The following DMXL2 variants were observed in gnomAD, a reference collection of about 807,000 sequenced individuals.
DMXL2 encodes dmX-like protein 2.
DMXL2 carries 103 observed loss-of-function variants against 331.1 expected under a neutral mutation model. The ratio of observed to expected loss-of-function variants is 0.31; its 90% confidence interval spans 0.27 to 0.37. The LOEUF is 0.37. DMXL2 is among the 10% of genes least tolerant of loss of function. The pLI is 1.00. For missense variants in DMXL2, 3,171 were observed against 3,642.9 expected, an observed-to-expected ratio of 0.87 and a Z score of 3.33; for synonymous variants, 1,281 against 1,252.1, an observed-to-expected ratio of 1.02 and a Z score of -0.49.
chr15:51,449,381 TC>T (rs2038937674), intron 43 of DMXL2, among the ~76,000 whole-genome samples, 188 bp from the exon 44 acceptor site: 1 of 152,174 alleles, frequency 6.6e-6, no homozygotes, highest in Non-Finnish European at 1.5e-5. Context: ...CTGTCCTCCT[TC>T]CATATTTTCC....
rs762496548 is a variant in DMXL2 at position 51,612,320 on chromosome 15, C to G, written c.87+10139G>C. On this transcript the variant is annotated intron_variant, in intron 1 of 43. Transcript: ENST00000560891. ...GAAGAATGGCTATAGTTCAATTATT[C>G]CATAATCAAATCGTCACATTAGTAC... 2.6e-5 allele frequency among the ~76,000 whole-genome samples: 4 copies of G among 152,260 alleles called. 1 individual carries two copies. The East Asian group carries it at 7.7e-4, about 29-fold the overall frequency.
chr15:51,474,384 T>G lies in DMXL2; in HGVS notation c.7173A>C (p.Lys2391Asn), dbSNP rs1304317451. 1 of 1,613,556 alleles carries G rather than the reference T, an allele frequency of 6.2e-7. No individual in the cohort carries two copies. The highest frequency in any genetic ancestry group is 1.1e-5 in the South Asian group (1 of 91,038). Reference protein sequence around the residue: ...MWAAVFGGGVKLVVKPRRQSE... With the variant: ...MWAAVFGGGVNLVVKPRRQSE... ...ATTGTCTTCGAGGTTTCACAACAAG[T>G]TTTACACCGCCTCCAAAAACAGCAG... Residue 2391 changes from lysine (K) to asparagine (N), a missense_variant, in exon 28 of 44, where the codon AAA becomes AAC. Transcript: ENST00000560891.
At chr15:51,517,789 G>C (rs2047119181) in intron 13 of DMXL2, among the ~76,000 whole-genome samples, 1 of 152,190 alleles carries the variant, frequency 6.6e-6, no homozygotes, top group African/African-American at 2.4e-5. Context: ...GCCAATAAGA[G>C]GGGTTAGAGG....
intron 14 of DMXL2, among the ~76,000 whole-genome samples, chr15:51,515,753 G>T (rs559213434): frequency 8.4e-4 from 128 of 152,186 alleles, no homozygotes; most frequent in Non-Finnish European, 1.6e-3. Flanking sequence ...AAACTGCTTT[G>T]TGAGAGCAGA....
rs141326808 is a variant in DMXL2, at chr15:51,477,285, G to A, written c.6834-566C>T. 4.9e-3 allele frequency among the ~76,000 whole-genome samples: 750 copies of A among 152,042 alleles called. 6 individuals carry two copies. The highest frequency in any genetic ancestry group is 7.3e-3 in the Non-Finnish European group (493 of 67,884). ...GTGAAGTTGGGGAAAATATAAAAGC[G>A]GAAAGTCAAGCTGAGTCTAGTAAAT... On this transcript the variant is annotated intron_variant, in intron 26 of 43. Transcript: ENST00000560891.
In DMXL2 at chr15:51,456,176, C is replaced by T; in HGVS notation, c.8416G>A (p.Asp2806Asn). ...CATTCAAACATTCGTACACTGCCGT[C>T]CTGAGCACCTGTAAGATCTGAAACA... ...VHQYYLTGAQ[D>N]GSVRMFEWTR... Residue 2806 changes from aspartate to asparagine, a missense_variant, in exon 39 of 44, where the codon GAC becomes AAC. Physicochemically the swap from Asp to Asn is conservative, Grantham distance 23. Transcript: ENST00000560891. 1 of 1,613,702 alleles carries T rather than the reference C, an allele frequency of 6.2e-7. No homozygotes were observed. Among genetic ancestry groups the T allele is most frequent in the African/African-American group, 1.3e-5 (1 of 74,966 alleles).
intron 27 of DMXL2, 27 bp from the exon 28 acceptor site, chr15:51,474,619 C>T (rs201558949): frequency 8.4e-6 from 13 of 1,549,400 alleles, no homozygotes; most frequent in African/African-American, 8.2e-5. Context: ...AATCATAAGA[C>T]GTATGTCAGG....
At chr15:51,489,213 T>C (rs929237103) in intron 20 of DMXL2, among the ~76,000 whole-genome samples, 5 of 152,200 alleles carry the variant, frequency 3.3e-5, no homozygotes, top group Non-Finnish European at 7.4e-5. Context: ...TGCTGAGATA[T>C]AGCCTCTGCA....
chr15:51,531,977 A>G (rs2048026776), intron 13 of DMXL2, among the ~76,000 whole-genome samples: 1 of 152,186 alleles, frequency 6.6e-6, no homozygotes, highest in Admixed American at 6.5e-5. Flanking sequence ...TTGCTCACAA[A>G]GCTAAAATAG....
chr15:51,579,606 G>A (rs1204767888), intron 1 of DMXL2, among the ~76,000 whole-genome samples: 3 of 152,128 alleles, frequency 2.0e-5, no homozygotes, highest in African/African-American at 7.2e-5. Flanking sequence ...AATTATTAAA[G>A]TCTTCCTAAC....
At chr15:51,600,700 G>C (rs1567172653) in intron 1 of DMXL2, among the ~76,000 whole-genome samples, 1 of 152,174 alleles carries the variant, frequency 6.6e-6, no homozygotes, top group Non-Finnish European at 1.5e-5. Flanking sequence ...CCTAGAGCGT[G>C]GCTGTCTTGG....
At chr15:51,525,057 C>T (rs1467304264) in intron 13 of DMXL2, among the ~76,000 whole-genome samples, 1 of 151,816 alleles carries the variant, frequency 6.6e-6, no homozygotes, top group Non-Finnish European at 1.5e-5. Context: ...GATACCAGCT[C>T]AGCTACAGCA....
rs745378406 is a variant in DMXL2 at position 51,488,597 on chromosome 15, G to C, written c.5002C>G (p.Leu1668Val). ...QRNNDALDAA[L>V]FYLSMKKKAV... ...TTCTTCTTCATTGAAAGGTAGAATA[G>C]TGCAGCATCTAAGGCATCATTGTTC... Residue 1668 changes from leucine to valine, a missense_variant, in exon 21 of 44, where the codon CTA becomes GTA. Around this residue, in one of 7 missense-constraint regions of DMXL2, gnomAD observed 252 missense variants for 387.4 expected, o/e 0.65. Coordinates refer to ENST00000560891, the MANE Select transcript of DMXL2 (RefSeq NM_001378457.1). The C allele has an allele frequency of 2.5e-6, 4 of 1,613,422 alleles. No homozygotes were observed. Among genetic ancestry groups the C allele is most frequent in the Admixed American group, 1.7e-5 (1 of 59,924 alleles).
intron 15 of DMXL2, among the ~76,000 whole-genome samples, chr15:51,513,252 TG>T (rs1442558504): frequency 6.6e-6 from 1 of 152,204 alleles, no homozygotes; most frequent in African/African-American, 2.4e-5. Flanking sequence ...CATTGAATTC[TG>T]GTAAGCTGGC....
chr15:51,618,245 G>A (rs1001605867), intron 1 of DMXL2, among the ~76,000 whole-genome samples: 2 of 151,562 alleles, frequency 1.3e-5, no homozygotes, highest in Admixed American at 1.3e-4. Context: ...TTTTACTCTC[G>A]TATTAGACTA....
intron 5 of DMXL2, among the ~76,000 whole-genome samples, chr15:51,563,758 T>C (rs1375039439): frequency 6.6e-6 from 1 of 152,076 alleles, no homozygotes; most frequent in Non-Finnish European, 1.5e-5. Flanking sequence ...CTGACTAGTC[T>C]TCGTCACATA....
rs565773875 is a variant in DMXL2 at position 51,457,163 on chromosome 15, C to A, written c.8337+165G>T. On this transcript the variant is annotated intron_variant, in intron 37 of 43. Coordinates refer to ENST00000560891, the MANE Select transcript of DMXL2 (RefSeq NM_001378457.1). ...CTCCAGCCTGCGCGACAGAGCCAGA[C>A]CCTGTCACCAAATAAAAAAGCCACA... The A allele has an allele frequency of 5.2e-6, 4 of 775,126 alleles. No homozygotes were observed. In the Admixed American group the frequency reaches 9.3e-5, roughly 18 times the overall value. The allele number at this position is 775,126 out of a possible 1,614,324, so 48.0% of individuals were successfully genotyped here.
chr15:51,486,264 G>A lies in DMXL2; in HGVS notation c.5291C>T (p.Thr1764Ile), dbSNP rs748637825. ...TAGGATGGATATATAAGTGGATGAA[G>A]TCTCAAATTCAGATTCATATAAACG... The part of the protein sequence containing the change: ...IARLYESEFE[T>I]SSTYISILNQ... The change falls in exon 23 of 44, where the codon ACT (threonine) becomes ATT (isoleucine). Residue 1764 changes from threonine (T) to isoleucine (I), a missense_variant. Transcript: ENST00000560891. 6.2e-6 allele frequency: 10 copies of A among 1,613,030 alleles called. No homozygotes were observed. Among genetic ancestry groups the A allele is most frequent in the Non-Finnish European group, 7.6e-6 (9 of 1,179,116 alleles).
Position 51,499,190 on chromosome 15 carries a change from G to A in DMXL2, c.4034C>T (p.Pro1345Leu), listed in dbSNP as rs888274762. Residue 1345 changes from proline (P) to leucine (L), a missense_variant, in exon 18 of 44, where the codon CCA (proline) becomes CTA (leucine). Coordinates refer to ENST00000560891, the MANE Select transcript of DMXL2 (RefSeq NM_001378457.1). ...TAACAGCTGAGTTGGATGATATTGT[G>A]GAAGAGTAGGGGAAAGTACATGTGC... is the stretch of plus-strand genomic sequence containing the variant. The part of the protein sequence containing the change: ...EAAHVLSPTL[P>L]QYHPTQLLEL... 6.2e-7 allele frequency: 1 copy of A among 1,614,048 alleles called. No homozygotes were observed. Among genetic ancestry groups the A allele is most frequent in the Non-Finnish European group, 8.5e-7 (1 of 1,180,012 alleles).
Sources: allele counts gnomAD v4.1 joint callset (sites outside exome capture counted in the v4.1 genomes callset), GRCh38; gene constraint gnomAD v4.1.1; regional missense constraint gnomAD v4.1.1; transcripts MANE v1.5; gene names NCBI Gene and HGNC (gene_info 2026-07-23, HGNC 2026-07-21).